The following ONECUT2 variants were observed in gnomAD, a reference collection of about 807,000 sequenced individuals.
The protein encoded by ONECUT2 is one cut domain family member 2.
Under a neutral mutation model 27.9 loss-of-function variants are expected in ONECUT2, and 10 were observed. That is an observed-to-expected ratio of 0.36 (90% CI 0.22 to 0.61). ONECUT2 has a LOEUF of 0.61. Ranked by LOEUF, ONECUT2 falls within the 20% of genes least tolerant of loss-of-function variation. The pLI is 0.73. For synonymous variants in ONECUT2, 334 were observed against 315.1 expected (o/e 1.06, Z -0.64); for missense variants, 686 against 721.0 (o/e 0.95, Z 0.56).
intron 1 of ONECUT2, among the ~76,000 whole-genome samples, chr18:57,460,687 C>A (rs1320329147): frequency 2.7e-5 from 3 of 112,956 alleles, no homozygotes; most frequent in African/African-American, 1.0e-4. Flanking sequence ...TCATTCAAAT[C>A]TTTTTTTTTT....
At chr18:57,473,086 G>C (rs1314941949) in intron 1 of ONECUT2, among the ~76,000 whole-genome samples, 1 of 152,142 alleles carries the variant, frequency 6.6e-6, no homozygotes, top group East Asian at 1.9e-4. Flanking sequence ...ATCTTAAAAG[G>C]GGCTGCAGAG....
chr18:57,442,844 T>C (rs536543820), intron 1 of ONECUT2, among the ~76,000 whole-genome samples: 26 of 152,304 alleles, frequency 1.7e-4, no homozygotes, highest in African/African-American at 2.6e-4. Flanking sequence ...CACTCTCCTT[T>C]TGAGCCAGGT....
chr18:57,452,237 G>A (rs2050234520), intron 1 of ONECUT2, among the ~76,000 whole-genome samples: 1 of 151,960 alleles, frequency 6.6e-6, no homozygotes, highest in Non-Finnish European at 1.5e-5. Context: ...TAGCAAGCAG[G>A]GACCCTGAGC....
At position 57,479,654 on chromosome 18, in the gene ONECUT2, C is replaced by T. The variant is rs674849; in HGVS notation, c.*2931C>T. 51,053 of 152,482 alleles carry T rather than the reference C, an allele frequency of 0.33. 9,064 individuals carry two copies. Among genetic ancestry groups the T allele is most frequent in the African/African-American group, 0.45 (18,758 of 41,448 alleles). 9.4% of individuals were successfully genotyped at this position (152,482 alleles called of 1,614,324 possible). A position where few individuals can be genotyped will look rare whatever the true frequency, so the allele number is the denominator to read the frequency against. On this transcript the variant is annotated 3_prime_UTR_variant, in exon 2 of 2. Transcript: ENST00000491143. ...ATTCGGAGTCATCTCTATTCTATCC[C>T]TCAGCCTCGATTAAGGTGGTGAGTG... is the stretch of plus-strand genomic sequence containing the variant.
intron 1 of ONECUT2, among the ~76,000 whole-genome samples, chr18:57,438,150 G>C (rs747159327): frequency 2.0e-5 from 3 of 152,258 alleles, no homozygotes; most frequent in Non-Finnish European, 4.4e-5. Context: ...ACGCAGTTGC[G>C]CGCTTTTGTG....
intron 1 of ONECUT2, among the ~76,000 whole-genome samples, chr18:57,447,390 G>A (rs760212707): frequency 3.9e-5 from 6 of 152,248 alleles, no homozygotes; most frequent in South Asian, 4.1e-4. Context: ...CAGCTCTGTA[G>A]GTCTCAGCGC....
intron 1 of ONECUT2, among the ~76,000 whole-genome samples, chr18:57,458,068 G>A (rs927851191): frequency 2.0e-5 from 3 of 151,924 alleles, no homozygotes; most frequent in Admixed American, 1.3e-4. Context: ...ACATGTATAC[G>A]TATGCAACAA....
At chr18:57,440,792 C>G (rs1207100189) in intron 1 of ONECUT2, among the ~76,000 whole-genome samples, 1 of 152,210 alleles carries the variant, frequency 6.6e-6, no homozygotes, top group African/African-American at 2.4e-5. Context: ...GAGTCTCGCG[C>G]CCACCCCCCA....
intron 1 of ONECUT2, among the ~76,000 whole-genome samples, 191 bp downstream of exon 1, chr18:57,437,135 C>T (rs929185950): frequency 3.0e-4 from 45 of 152,000 alleles, no homozygotes; most frequent in African/African-American, 1.0e-3. Context: ...CCTACTTTCC[C>T]TTCTCCCTTT....
chr18:57,478,092 T>C lies in ONECUT2; in HGVS notation c.*1369T>C, dbSNP rs548686968. On this transcript the variant is annotated 3_prime_UTR_variant, in exon 2 of 2. Transcript: ENST00000491143. ...TTACTTTTAGAAATCAGAAAACCTCTGCAACTCCGAATGGCATTCAGCTCT... is the reference window on the plus strand; with the variant it reads ...TTACTTTTAGAAATCAGAAAACCTCCGCAACTCCGAATGGCATTCAGCTCT... 2.0e-5 allele frequency: 3 copies of C among 152,800 alleles called. No individual in the cohort carries two copies. The highest frequency in any genetic ancestry group is 7.2e-5 in the African/African-American group (3 of 41,602). 9.5% of individuals were successfully genotyped at this position (152,800 alleles called of 1,614,324 possible). A position where few individuals can be genotyped will look rare whatever the true frequency, so the allele number is the denominator to read the frequency against.
At chr18:57,457,241 G>A (rs1568121367) in intron 1 of ONECUT2, among the ~76,000 whole-genome samples, 1 of 152,102 alleles carries the variant, frequency 6.6e-6, no homozygotes, top group East Asian at 1.9e-4. Flanking sequence ...CATCCTAATG[G>A]GAATGAGGTC....
chr18:57,471,203 A>T (rs2050351477), intron 1 of ONECUT2, among the ~76,000 whole-genome samples: 1 of 152,250 alleles, frequency 6.6e-6, no homozygotes, highest in South Asian at 2.1e-4. Flanking sequence ...GACTCTGACC[A>T]CATACCTTTG....
intron 1 of ONECUT2, among the ~76,000 whole-genome samples, chr18:57,471,830 C>T (rs1044461725): frequency 1.3e-5 from 2 of 152,126 alleles, no homozygotes; most frequent in African/African-American, 2.4e-5. Context: ...GAAATGGAAG[C>T]GAGCGCTTGG....
chr18:57,474,494 C>T (rs1272276343), intron 1 of ONECUT2, among the ~76,000 whole-genome samples: 2 of 152,292 alleles, frequency 1.3e-5, no homozygotes, highest in South Asian at 2.1e-4. Flanking sequence ...GCGGATTCAG[C>T]GTCAGGCGAT....
At chr18:57,467,419 G>A (rs532237541) in intron 1 of ONECUT2, among the ~76,000 whole-genome samples, 3 of 152,062 alleles carry the variant, frequency 2.0e-5, no homozygotes, top group East Asian at 3.9e-4. Context: ...AGGCGGGAGC[G>A]CAATGGCGTG....
chr18:57,452,280 C>G (rs574184001), intron 1 of ONECUT2, among the ~76,000 whole-genome samples: 94 of 152,286 alleles, frequency 6.2e-4, no homozygotes, highest in African/African-American at 9.9e-4. Flanking sequence ...TTAGCCCCAC[C>G]ACAATGCCTA....
intron 1 of ONECUT2, among the ~76,000 whole-genome samples, chr18:57,446,957 G>A (rs2050203263): frequency 6.6e-6 from 1 of 152,236 alleles, no homozygotes; most frequent in Non-Finnish European, 1.5e-5. Context: ...AAGGTGTTCT[G>A]CAAAGATAAA....
rs1221379038 is a variant in ONECUT2 at position 57,436,961 on chromosome 18, C to G, written c.1228+17C>G. ...GCCTGGCAGGTAAGGCCGGGGCTAG[C>G]CAGGGGCCAGGCTGCTGGGAAGAGG... On this transcript the variant is annotated intron_variant, in intron 1 of 1. Transcript: ENST00000491143. The surrounding 1 kb of genome is among the most constrained non-coding windows in gnomAD (Gnocchi z 5.9). 6.4e-7 allele frequency: 1 copy of G among 1,560,382 alleles called. No homozygotes were observed. Among genetic ancestry groups the G allele is most frequent in the Non-Finnish European group, 8.7e-7 (1 of 1,153,302 alleles).
intron 1 of ONECUT2, among the ~76,000 whole-genome samples, chr18:57,439,603 G>A (rs376696168): frequency 2.6e-5 from 4 of 152,324 alleles, no homozygotes; most frequent in South Asian, 4.1e-4. Context: ...TGTGCTCGGA[G>A]CGCTAGGGGA....
Sources: allele counts gnomAD v4.1 joint callset (sites outside exome capture counted in the v4.1 genomes callset), GRCh38; gene constraint gnomAD v4.1.1; non-coding constraint Gnocchi (gnomAD v3.1); transcripts MANE v1.5; gene names NCBI Gene and HGNC (gene_info 2026-07-23, HGNC 2026-07-21).